FMO1: variants seen among roughly 807,000 people sequenced by gnomAD.
The protein encoded by FMO1 is flavin-containing monooxygenase 1.
A neutral mutation model predicts 45.4 loss-of-function variants in FMO1; 36 were observed. That is an observed-to-expected ratio of 0.79 (90% CI 0.61 to 1.05). FMO1 has a LOEUF of 1.05. Ranked by LOEUF, FMO1 falls within the 50% of genes least tolerant of loss-of-function variation. The pLI is 0.00. For missense variants in FMO1, 615 were observed against 640.3 expected (o/e 0.96, Z 0.43); for synonymous variants, 228 against 227.2 (o/e 1.00, Z -0.03).
intron 1 of FMO1, among the ~76,000 whole-genome samples, chr1:171,252,905 T>TA (rs1659961716): frequency 1.3e-5 from 2 of 152,154 alleles, no homozygotes; most frequent in South Asian, 2.1e-4. Flanking sequence ...AAATAAAAAA[T>TA]AAAAAATCAG....
chr1:171,279,464 AGAACCT>A (rs1231594926), intron 5 of FMO1, among the ~76,000 whole-genome samples: 2 of 152,194 alleles, frequency 1.3e-5, no homozygotes, highest in Non-Finnish European at 2.9e-5. Context: ...GAGAAGTTAA[AGAACCT>A]GCCTGAAATC....
At chr1:171,253,895 T>G (rs1660022549) in intron 1 of FMO1, 1 of 152,048 alleles carries the variant, frequency 6.6e-6, no homozygotes, top group Non-Finnish European at 1.5e-5. Flanking sequence ...TAACAAAAAG[T>G]TGTGTATTTT....
chr1:171,253,453 A>G (rs761628478), intron 1 of FMO1, among the ~76,000 whole-genome samples: 2 of 152,142 alleles, frequency 1.3e-5, no homozygotes, highest in Non-Finnish European at 2.9e-5. Context: ...GGATCACTTG[A>G]GCCCAGACAT....
chr1:171,278,917 A>G (rs1237332740), intron 5 of FMO1, 46 bp downstream of exon 5: 3 of 1,492,768 alleles, frequency 2.0e-6, no homozygotes, highest in Non-Finnish European at 2.7e-6. Context: ...CTTAAGATGC[A>G]TGCCTCAAGC....
intron 7 of FMO1, 105 bp downstream of exon 7, chr1:171,282,438 G>C: frequency 1.4e-6 from 1 of 737,262 alleles, no homozygotes; most frequent in East Asian, 2.7e-5. Context: ...TAAAATAACA[G>C]AATCTTTAAA....
intron 2 of FMO1, among the ~76,000 whole-genome samples, chr1:171,259,892 T>C (rs1289199032): frequency 1.3e-5 from 2 of 152,176 alleles, no homozygotes; most frequent in African/African-American, 2.4e-5. Flanking sequence ...CACCCTGCCC[T>C]CAGGAGCTGT....
At chr1:171,257,896 C>A in intron 1 of FMO1, 186 bp from the exon 2 acceptor site, 2 of 613,226 alleles carry the variant, frequency 3.3e-6, no homozygotes, top group Non-Finnish European at 5.6e-6. Flanking sequence ...GGGAACATAC[C>A]AAGCACAGGG....
In FMO1 at chr1:171,258,190, G is replaced by A. The variant is rs188375903; in HGVS notation, c.103G>A (p.Asp35Asn). 2.5e-5 allele frequency: 41 copies of A among 1,614,154 alleles called. No individual in the cohort carries two copies. The highest frequency in any genetic ancestry group is 1.3e-4 in the Admixed American group (8 of 60,014). Residue 35 changes from aspartate to asparagine, a missense_variant, in exon 2 of 9, where the codon GAT (aspartate) becomes AAT (asparagine). By Grantham distance (23) the Asp-to-Asn change is conservative. Coordinates refer to ENST00000617670, the MANE Select transcript of FMO1 (RefSeq NM_001282693.2). ...GLEPTCFERS[D>N]DLGGLWRFTE... is the part of the protein sequence containing the mutation. ...GGAGCCCACCTGCTTTGAGAGGAGC[G>A]ATGACCTTGGGGGGCTGTGGAGATT...
chr1:171,249,721 G>C (rs1659797483), intron 1 of FMO1, among the ~76,000 whole-genome samples: 1 of 152,060 alleles, frequency 6.6e-6, no homozygotes, highest in Non-Finnish European at 1.5e-5. Flanking sequence ...GTGTGAGAGA[G>C]AGAGACAGAG....
intron 7 of FMO1, 76 bp from the exon 8 acceptor site, chr1:171,283,068 A>T (rs1571363627): frequency 1.3e-6 from 1 of 790,380 alleles, no homozygotes; most frequent in Non-Finnish European, 2.2e-6. Context: ...GAGCCATAGT[A>T]AAGCATCTTT....
chr1:171,282,714 C>T (rs1661414242), intron 7 of FMO1: 1 of 220,460 alleles, frequency 4.5e-6, no homozygotes, highest in Non-Finnish European at 8.9e-6. Flanking sequence ...AACTCCTGGT[C>T]TCAAGCAATC....
chr1:171,273,153 GCTCT>G (rs1030283098), intron 3 of FMO1, among the ~76,000 whole-genome samples: 8 of 152,150 alleles, frequency 5.3e-5, no homozygotes, highest in Non-Finnish European at 1.2e-4. Context: ...CCCTGCACAA[GCTCT>G]CTTTTTGCCT....
intron 5 of FMO1, among the ~76,000 whole-genome samples, chr1:171,279,884 A>C (rs1289238317): frequency 1.3e-5 from 2 of 152,102 alleles, no homozygotes; most frequent in Admixed American, 1.3e-4. Context: ...TCCTGTCTTT[A>C]GTTCCCCTTT....
At chr1:171,282,597 T>C (rs1009798444) in intron 7 of FMO1, 3 of 330,808 alleles carry the variant, frequency 9.1e-6, no homozygotes, top group Admixed American at 4.4e-5. Flanking sequence ...CTATGTCAAC[T>C]GTGATATTTT....
At chr1:171,272,730 T>C (rs1374842436) in intron 3 of FMO1, among the ~76,000 whole-genome samples, 1 of 152,196 alleles carries the variant, frequency 6.6e-6, no homozygotes, top group Non-Finnish European at 1.5e-5. Flanking sequence ...GACCAATTTC[T>C]CCCATTTGGA....
At chr1:171,261,671 C>A (rs1389793251) in intron 2 of FMO1, among the ~76,000 whole-genome samples, 1 of 152,002 alleles carries the variant, frequency 6.6e-6, no homozygotes, top group African/African-American at 2.4e-5. Flanking sequence ...ATAGCTTGAG[C>A]CCAGGAGTTC....
Position 171,283,220 on chromosome 1 carries a change from AGTTAACTACTTAATGCACCCTTTTT to A in FMO1, c.1256+5_1256+29del. ...GGAAAGAAAACAAGCCCAGTTGGTA[AGTTAACTACTTAATGCACCCTTTTT>A]AAATTATAACTGAAATTGGTAAAAA... On this transcript the variant is annotated splice_donor_5th_base_variant and intron_variant, in intron 8 of 8. Coordinates refer to ENST00000617670, the MANE Select transcript of FMO1 (RefSeq NM_001282693.2). 1 of 1,163,754 alleles carries A rather than the reference AGTTAACTACTTAATGCACCCTTTTT, an allele frequency of 8.6e-7. No individual in the cohort carries two copies. The allele number at this position is 1,163,754 out of a possible 1,614,324, so 72.1% of individuals were successfully genotyped here. A position where few individuals can be genotyped will look rare whatever the true frequency, so the allele number is the denominator to read the frequency against.
At chr1:171,255,743 T>C (rs2101795043) in intron 1 of FMO1, among the ~76,000 whole-genome samples, 1 of 152,232 alleles carries the variant, frequency 6.6e-6, no homozygotes, top group Middle Eastern at 3.4e-3. Context: ...TCCCAGCTCA[T>C]GGAAATGGCT....
chr1:171,282,334 G>GT lies in FMO1; in HGVS notation c.1183+2dup. 3.8e-6 allele frequency: 6 copies of GT among 1,598,150 alleles called. No homozygotes were observed. The African/African-American group carries it at 4.0e-5, about 11-fold the overall frequency. ...CGGTGGGCTGTTCGAGTCCTGAAAG[G>GT]TAAGTATAAGAAATAGCAGGGCATG... On this transcript the variant is annotated splice_donor_variant, in intron 7 of 8. Transcript: ENST00000617670. LOFTEE classifies it high-confidence loss of function.
Sources: gnomAD v4.1 joint callset for allele counts (sites outside exome capture counted in the v4.1 genomes callset) on GRCh38, gnomAD v4.1.1 for gene constraint, MANE v1.5 for transcripts, NCBI Gene and HGNC (gene_info 2026-07-23, HGNC 2026-07-21) for gene names.